Variants in OR6J1 observed in about 807,000 individuals in gnomAD.
OR6J1 encodes the protein olfactory receptor 6J1.
For missense variants in OR6J1, 304 were observed against 166.8 expected, an observed-to-expected ratio of 1.82 and a Z score of -4.53; for synonymous variants, 109 against 70.0, an observed-to-expected ratio of 1.56 and a Z score of -2.78.
rs11846400 is a variant in OR6J1 at position 22,633,287 on chromosome 14, C to T, written c.*481G>A. On this transcript the variant is annotated 3_prime_UTR_variant, in exon 2 of 2. Coordinates refer to ENST00000540461, the MANE Select transcript of OR6J1 (RefSeq NM_001348233.2). ...CAGAAAGCAATATTATTAAATAACACAGATGACATGCACCCAACACAATCA... is the reference window on the plus strand; with the variant it reads ...CAGAAAGCAATATTATTAAATAACATAGATGACATGCACCCAACACAATCA... 0.23 allele frequency: 35,935 copies of T among 156,846 alleles called. 4,450 individuals are homozygous for T. Among genetic ancestry groups the T allele is most frequent in the African/African-American group, 0.32 (13,346 of 41,452 alleles). 9.7% of individuals were successfully genotyped at this position (156,846 alleles called of 1,614,324 possible).
chr14:22,637,936 G>A lies in OR6J1; in HGVS notation c.-27-3098C>T, dbSNP rs1454422092. Among the ~76,000 whole-genome samples the A allele has an allele frequency of 6.1e-5, 5 of 81,622 alleles. 1 individual carries two copies. The highest frequency in any genetic ancestry group is 2.9e-4 in the Admixed American group (3 of 10,486). 53.5% of individuals were successfully genotyped at this position (81,622 alleles called of 152,430 possible). ...CAGCCCCCGCCCGGCCGGCCGCCCC[G>A]TCCGGGAGGTGAGGGAGGCCTCTGC... On this transcript the variant is annotated intron_variant, in intron 1 of 1. Transcript: ENST00000540461.
intron 1 of OR6J1, among the ~76,000 whole-genome samples, chr14:22,638,044 C>G (rs1462448673): frequency 6.4e-5 from 7 of 108,764 alleles, no homozygotes; most frequent in Admixed American, 3.1e-4. Context: ...GGTCAGCCCC[C>G]CGCCTGGCCA....
intron 1 of OR6J1, among the ~76,000 whole-genome samples, chr14:22,638,664 T>TA (rs1224047754): frequency 1.6e-4 from 5 of 31,006 alleles, no homozygotes; most frequent in Middle Eastern, 0.01. Context: ...AAAATAAAAA[T>TA]AAAAAAAAAA....
intron 1 of OR6J1, among the ~76,000 whole-genome samples, chr14:22,637,769 T>C (rs1326591761): frequency 0.024 from 812 of 33,940 alleles, no homozygotes; most frequent in African/African-American, 0.082. Flanking sequence ...GCCGCCCCGT[T>C]CGGGAGGTGA....
At chr14:22,641,239 AAG>A (rs1427345458) in intron 1 of OR6J1, among the ~76,000 whole-genome samples, 1 of 38,196 alleles carries the variant, frequency 2.6e-5, no homozygotes, top group Non-Finnish European at 6.0e-5. Context: ...GAAAGAAAGA[AAG>A]AAAGAAAGAA....
intron 1 of OR6J1, among the ~76,000 whole-genome samples, chr14:22,641,249 GAAAGAAAGAAAGAAAGA>G (rs2037645317): frequency 1.8e-5 from 1 of 54,848 alleles, no homozygotes; most frequent in Non-Finnish European, 3.8e-5. Flanking sequence ...AAGAAAGAAA[GAAAGAAAGAAAGAAAGA>G]AAGGAAGGAA....
rs2037559602 is a variant in OR6J1 at position 22,633,333 on chromosome 14, A to G, written c.*435T>C. 2 of 160,056 alleles carry G rather than the reference A, an allele frequency of 1.2e-5. No homozygotes were observed. The highest frequency in any genetic ancestry group is 1.8e-4 in the South Asian group (1 of 5,460). 9.9% of individuals were successfully genotyped at this position (160,056 alleles called of 1,614,324 possible). A position where few individuals can be genotyped will look rare whatever the true frequency, so the allele number is the denominator to read the frequency against. On this transcript the variant is annotated 3_prime_UTR_variant, in exon 2 of 2. Coordinates refer to ENST00000540461, the MANE Select transcript of OR6J1 (RefSeq NM_001348233.2). ...AATCATTGCAAATGCCCGAAAAAAA[A>G]ATGGATATGATAGTGGATTAGAGAA...
intron 1 of OR6J1, among the ~76,000 whole-genome samples, chr14:22,639,591 T>C (rs554126418): frequency 0.017 from 2,064 of 124,638 alleles, 65 homozygotes; most frequent in African/African-American, 0.05. Flanking sequence ...TTGCCGTGTC[T>C]GTGTAGAAGG....
At chr14:22,639,756 TG>T (rs1487161530) in intron 1 of OR6J1, among the ~76,000 whole-genome samples, 1 of 121,800 alleles carries the variant, frequency 8.2e-6, no homozygotes, top group Admixed American at 7.6e-5. Context: ...CGGTGCAAGA[TG>T]TGCTTTGTTA....
Position 22,634,675 on chromosome 14 carries a change from G to T in OR6J1, c.137C>A (p.Ser46Tyr). The stretch of plus-strand genomic sequence containing the variant: ...GAGGCGGGAGCAGGACAGCACAGTG[G>T]AGATGATGAGCAGGTTCCCCAGAAG... ...LTLLGNLLIISTVLSCSRLHT... is the reference protein window; with the variant it reads ...LTLLGNLLIIYTVLSCSRLHT... Residue 46 changes from serine to tyrosine, a missense_variant, in exon 2 of 2, where the codon TCC becomes TAC. By Grantham distance (144) the Ser-to-Tyr change is moderately radical. Coordinates refer to ENST00000540461, the MANE Select transcript of OR6J1 (RefSeq NM_001348233.2). 1.4e-6 allele frequency: 1 copy of T among 738,634 alleles called. No homozygotes were observed. The highest frequency in any genetic ancestry group is 2.5e-5 in the East Asian group (1 of 39,832). 45.8% of individuals were successfully genotyped at this position (738,634 alleles called of 1,614,324 possible). A position where few individuals can be genotyped will look rare whatever the true frequency, so the allele number is the denominator to read the frequency against.
chr14:22,635,976 G>C (rs1014722985), intron 1 of OR6J1, among the ~76,000 whole-genome samples: 6 of 151,964 alleles, frequency 3.9e-5, no homozygotes, highest in African/African-American at 4.8e-5. Context: ...TTTATTAAAA[G>C]AGCCTTCAAA....
Position 22,631,771 on chromosome 14 carries a change from A to C in OR6J1, c.*1997T>G, listed in dbSNP as rs554417411. On this transcript the variant is annotated 3_prime_UTR_variant, in exon 2 of 2. Coordinates refer to ENST00000540461, the MANE Select transcript of OR6J1 (RefSeq NM_001348233.2). ...ATCCACATTCTTCTGCCATGGCTTC[A>C]GCCGGTCCCTCCGTTTGGGGTGCCT... 6.5e-6 allele frequency: 1 copy of C among 154,128 alleles called. No individual in the cohort carries two copies. Among genetic ancestry groups the C allele is most frequent in the South Asian group, 1.8e-4 (1 of 5,538 alleles). The allele number at this position is 154,128 out of a possible 1,614,324, so 9.5% of individuals were successfully genotyped here. A position where few individuals can be genotyped will look rare whatever the true frequency, so the allele number is the denominator to read the frequency against.
intron 1 of OR6J1, among the ~76,000 whole-genome samples, chr14:22,640,721 A>T (rs978616111): frequency 6.6e-6 from 1 of 151,196 alleles, no homozygotes; most frequent in South Asian, 2.1e-4. Context: ...GGATCTCACT[A>T]TGTTGCCCAG....
Position 22,631,927 on chromosome 14 carries a change from T to C in OR6J1, c.*1841A>G, listed in dbSNP as rs1753424. On this transcript the variant is annotated 3_prime_UTR_variant, in exon 2 of 2. Coordinates refer to ENST00000540461, the MANE Select transcript of OR6J1 (RefSeq NM_001348233.2). ...ACTCCCCTGCCTGCCTTTGACTCTC[T>C]GCCAAATGCAAGTGATGGTGGCTGA... 4,221 of 152,462 alleles carry C rather than the reference T, an allele frequency of 0.028. 67 individuals are homozygous for C. Among genetic ancestry groups the C allele is most frequent in the Non-Finnish European group, 0.041 (2,777 of 68,124 alleles). The allele number at this position is 152,462 out of a possible 1,614,324, so 9.4% of individuals were successfully genotyped here. A position where few individuals can be genotyped will look rare whatever the true frequency, so the allele number is the denominator to read the frequency against.
Position 22,634,530 on chromosome 14 carries a change from G to A in OR6J1, c.282C>T (p.Ala94=), listed in dbSNP as rs544599895. 1.1e-5 allele frequency: 8 copies of A among 704,156 alleles called. No homozygotes were observed. Among genetic ancestry groups the A allele is most frequent in the East Asian group, 8.0e-5 (3 of 37,310 alleles). 43.6% of individuals were successfully genotyped at this position (704,156 alleles called of 1,614,324 possible). A position where few individuals can be genotyped will look rare whatever the true frequency, so the allele number is the denominator to read the frequency against. Residue 94 remains alanine (A), a synonymous_variant, in exon 2 of 2, where the codon GCC becomes GCT. Coordinates refer to ENST00000540461, the MANE Select transcript of OR6J1 (RefSeq NM_001348233.2). ...LGSRDKTISF[A]GCITQCYFYF... ...AGAAATAGCACTGGGTGATACATCC[G>A]GCAAAGGAGATGGTTTTATCCCTAG... is the stretch of plus-strand genomic sequence containing the variant.
chr14:22,633,718 T>C lies in OR6J1; in HGVS notation c.*50A>G. 1.6e-6 allele frequency: 1 copy of C among 626,626 alleles called. No individual in the cohort carries two copies. The highest frequency in any genetic ancestry group is 2.8e-6 in the Non-Finnish European group (1 of 352,524). 38.8% of individuals were successfully genotyped at this position (626,626 alleles called of 1,614,324 possible). Reference sequence around the variant, plus strand: ...AGTCAGTCTTTCCACTATAGACTATTCAGAATTCCTTAGCTAGCTCACTCT... The same window carrying C: ...AGTCAGTCTTTCCACTATAGACTATCCAGAATTCCTTAGCTAGCTCACTCT... On this transcript the variant is annotated 3_prime_UTR_variant, in exon 2 of 2. Coordinates refer to ENST00000540461, the MANE Select transcript of OR6J1 (RefSeq NM_001348233.2).
chr14:22,643,958 A>G (rs1419367304), intron 1 of OR6J1, 140 bp downstream of exon 1: 1 of 152,184 alleles, frequency 6.6e-6, no homozygotes, highest in Non-Finnish European at 1.5e-5. Context: ...ATAAGGTGCA[A>G]CTGCACCCAC....
At position 22,643,764 on chromosome 14, in the gene OR6J1, C is replaced by CACACACAG. The variant is rs1466950724; in HGVS notation, c.-28+333_-28+334insCTGTGTGT. Among the ~76,000 whole-genome samples the CACACACAG allele has an allele frequency of 1.5e-3, 57 of 37,688 alleles. 1 individual carries two copies. Among genetic ancestry groups the CACACACAG allele is most frequent in the East Asian group, 5.7e-3 (4 of 704 alleles). 24.7% of individuals were successfully genotyped at this position (37,688 alleles called of 152,430 possible). On this transcript the variant is annotated intron_variant, in intron 1 of 1. Transcript: ENST00000540461. ...ACACACACACACACACACACACACA[C>CACACACAG]AGAGAGAGAGAGAGAGAGAGAGAGA...
chr14:22,637,182 C>A (rs1241704366), intron 1 of OR6J1, among the ~76,000 whole-genome samples: 3 of 103,194 alleles, frequency 2.9e-5, no homozygotes, highest in African/African-American at 2.2e-4. Flanking sequence ...CTGGCAACCG[C>A]CCCGTCTGAG....
Sources: allele counts gnomAD v4.1 joint callset (sites outside exome capture counted in the v4.1 genomes callset), GRCh38; gene constraint gnomAD v4.1.1; transcripts MANE v1.5; gene names NCBI Gene and HGNC (gene_info 2026-07-23, HGNC 2026-07-21).